The following FBLN2 variants were observed in gnomAD, a reference collection of about 807,000 sequenced individuals.
The protein encoded by FBLN2 is fibulin-2.
FBLN2 carries 81 observed loss-of-function variants against 123.7 expected under a neutral mutation model. The ratio of observed to expected loss-of-function variants is 0.65; its 90% CI spans 0.55 to 0.79. The LOEUF is 0.79. Among genes scored for constraint, FBLN2 ranks in the 30% least tolerant of loss-of-function variants. FBLN2 has a pLI of 0.00. For synonymous variants in FBLN2, 699 were observed against 701.4 expected, an observed-to-expected ratio of 1.00 and a Z score of 0.05; for missense variants, 1,603 against 1,681.3, an observed-to-expected ratio of 0.95 and a Z score of 0.81.
At chr3:13,549,243 C>T (rs1274007956) in intron 1 of FBLN2, 35 bp downstream of exon 1, 14 of 980,810 alleles carry the variant, frequency 1.4e-5, no homozygotes, top group Non-Finnish European at 1.7e-5. Context: ...CCGGACTCAT[C>T]CCCGTCGGTC....
In FBLN2 at chr3:13,571,580, C is replaced by A. The variant is rs751886963; in HGVS notation, c.1225C>A (p.Pro409Thr). The A allele has an allele frequency of 6.2e-7, 1 of 1,613,514 alleles. No homozygotes were observed. Among genetic ancestry groups the A allele is most frequent in the South Asian group, 1.1e-5 (1 of 90,876 alleles). The change falls in exon 2 of 18, where the codon CCG (proline) becomes ACG (threonine). Residue 409 changes from proline to threonine, a missense_variant. Coordinates refer to ENST00000404922, the MANE Select transcript of FBLN2 (RefSeq NM_001004019.2). ...IPPTREVPRKPQVLPHSHVEE... is the reference protein window; with the variant it reads ...IPPTREVPRKTQVLPHSHVEE... ...ACCCACCCGAGAAGTGCCCAGGAAGCCGCAAGTTCTGCCCCATTCCCACGT... is the reference window on the plus strand; with the variant it reads ...ACCCACCCGAGAAGTGCCCAGGAAGACGCAAGTTCTGCCCCATTCCCACGT...
intron 2 of FBLN2, among the ~76,000 whole-genome samples, chr3:13,601,911 C>T (rs748206791): frequency 2.2e-4 from 34 of 152,206 alleles, no homozygotes; most frequent in Non-Finnish European, 3.5e-4. Context: ...AATCCCTTCC[C>T]CTCAGGCTCC....
At chr3:13,561,284 C>G (rs1352792746) in intron 1 of FBLN2, among the ~76,000 whole-genome samples, 3 of 152,208 alleles carry the variant, frequency 2.0e-5, no homozygotes, top group Non-Finnish European at 1.5e-5. Context: ...GTGCTGTGAC[C>G]TAGTGGTGGC....
At chr3:13,595,782 G>C (rs571424908) in intron 2 of FBLN2, among the ~76,000 whole-genome samples, 1 of 152,164 alleles carries the variant, frequency 6.6e-6, no homozygotes, top group Non-Finnish European at 1.5e-5. Flanking sequence ...ATTGTTCAGG[G>C]AACCCATTGT....
chr3:13,617,778 AT>A (rs1370715955), intron 5 of FBLN2, among the ~76,000 whole-genome samples: 2 of 97,034 alleles, frequency 2.1e-5, no homozygotes, highest in Non-Finnish European at 4.0e-5. Flanking sequence ...CCACCCACCC[AT>A]CCATCTACCC....
intron 1 of FBLN2, among the ~76,000 whole-genome samples, chr3:13,563,063 A>G (rs1170862037): frequency 6.6e-6 from 1 of 152,220 alleles, no homozygotes; most frequent in African/African-American, 2.4e-5. Flanking sequence ...ACTCGAGTCT[A>G]TCATGAATAA....
chr3:13,555,515 C>G (rs1176990599), intron 1 of FBLN2, among the ~76,000 whole-genome samples: 1 of 151,618 alleles, frequency 6.6e-6, no homozygotes. Flanking sequence ...AGTGCAGTGG[C>G]GCCATCTCGG....
At chr3:13,558,095 C>T (rs1258586890) in intron 1 of FBLN2, among the ~76,000 whole-genome samples, 1 of 152,214 alleles carries the variant, frequency 6.6e-6, no homozygotes, top group East Asian at 1.9e-4. Context: ...AAATTGGGCA[C>T]AGCAAAGGCC....
intron 1 of FBLN2, among the ~76,000 whole-genome samples, chr3:13,557,852 G>A (rs1254794217): frequency 6.6e-6 from 1 of 152,258 alleles, no homozygotes; most frequent in Non-Finnish European, 1.5e-5. Context: ...GTGCCCAGCA[G>A]CCTAGTGGCA....
At chr3:13,572,635 C>G (rs1247218066) in intron 2 of FBLN2, among the ~76,000 whole-genome samples, 19 of 152,274 alleles carry the variant, frequency 1.2e-4, no homozygotes, top group Admixed American at 1.2e-3. Context: ...GCCCAGGCCT[C>G]TTCTTGCCCA....
At chr3:13,609,679 TGGGGC>T in intron 4 of FBLN2, 37 bp downstream of exon 4, 1 of 80,268 alleles carries the variant, frequency 1.2e-5, no homozygotes, top group Non-Finnish European at 2.2e-5. Flanking sequence ...CAGGGTGGGG[TGGGGC>T]GGGGCGGGAG....
intron 1 of FBLN2, among the ~76,000 whole-genome samples, chr3:13,565,461 C>T (rs539486681): frequency 1.9e-4 from 29 of 152,274 alleles, no homozygotes; most frequent in African/African-American, 4.6e-4. Flanking sequence ...AAGAATGGGC[C>T]GCCAAATACA....
Position 13,600,262 on chromosome 3 carries a change from T to C in FBLN2, c.1307-7800T>C, listed in dbSNP as rs566352897. ...CTGGCTCTGCCTCCCACATTTTGGATGGCACCTGGCAATGCTACTCATGGC... is the reference window on the plus strand; with the variant it reads ...CTGGCTCTGCCTCCCACATTTTGGACGGCACCTGGCAATGCTACTCATGGC... On this transcript the variant is annotated intron_variant, in intron 2 of 17. Transcript: ENST00000404922. Among the ~76,000 whole-genome samples the C allele has an allele frequency of 2.0e-5, 3 of 152,176 alleles. No individual in the cohort carries two copies. The East Asian group carries it at 5.8e-4, about 29-fold the overall frequency.
chr3:13,594,747 C>T (rs1453042024), intron 2 of FBLN2, among the ~76,000 whole-genome samples: 2 of 152,158 alleles, frequency 1.3e-5, no homozygotes, highest in Admixed American at 1.3e-4. Flanking sequence ...TCAGGTGACA[C>T]TCAGCTGGGG....
At chr3:13,579,428 T>C (rs555203294) in intron 2 of FBLN2, among the ~76,000 whole-genome samples, 25 of 152,358 alleles carry the variant, frequency 1.6e-4, no homozygotes, top group African/African-American at 5.3e-4. Context: ...TTTGACCTTA[T>C]GGATCCCTGA....
chr3:13,609,832 A>G (rs935599208), intron 4 of FBLN2, among the ~76,000 whole-genome samples, 190 bp downstream of exon 4: 9 of 152,206 alleles, frequency 5.9e-5, no homozygotes, highest in East Asian at 1.9e-4. Flanking sequence ...ATACTGACCA[A>G]TTAATTCACA....
At chr3:13,560,735 C>T (rs997894546) in intron 1 of FBLN2, among the ~76,000 whole-genome samples, 1 of 152,192 alleles carries the variant, frequency 6.6e-6, no homozygotes, top group South Asian at 2.1e-4. Context: ...TTTCTCCTGC[C>T]AACACCTTCT....
intron 4 of FBLN2, among the ~76,000 whole-genome samples, chr3:13,610,561 G>A (rs995610256): frequency 3.3e-5 from 5 of 152,134 alleles, no homozygotes; most frequent in South Asian, 2.1e-4. Flanking sequence ...GACCATAAAG[G>A]ACAGTAAATG....
rs562213188 is a variant in FBLN2, at chr3:13,593,512, A to G, written c.1307-14550A>G. On this transcript the variant is annotated intron_variant, in intron 2 of 17. Coordinates refer to ENST00000404922, the MANE Select transcript of FBLN2 (RefSeq NM_001004019.2). Reference sequence around the variant, plus strand: ...GGGTGGATCACGAGGTCAGGAGTTCAAGGCCAGCTTGGCCAGCATGGTGAA... The same window carrying G: ...GGGTGGATCACGAGGTCAGGAGTTCGAGGCCAGCTTGGCCAGCATGGTGAA... 9.8e-4 allele frequency among the ~76,000 whole-genome samples: 149 copies of G among 152,128 alleles called. No homozygotes were observed. The South Asian group carries it at 0.03, about 30-fold the overall frequency.
Sources: gnomAD v4.1 joint callset for allele counts (sites outside exome capture counted in the v4.1 genomes callset) on GRCh38, gnomAD v4.1.1 for gene constraint, MANE v1.5 for transcripts, NCBI Gene and HGNC (gene_info 2026-07-23, HGNC 2026-07-21) for gene names.